The following ADGRE2 variants were observed in gnomAD, a reference collection of about 807,000 sequenced individuals.
ADGRE2 encodes the protein CD97 antigen.
A neutral mutation model predicts 100.8 loss-of-function variants in ADGRE2; 83 were observed. The observed-to-expected ratio is 0.82, with a 90% CI of 0.69 to 0.99. The LOEUF (loss-of-function observed/expected upper bound fraction) is 0.99, where lower values mean the gene tolerates loss of function less well. ADGRE2 is among the 50% of genes least tolerant of loss of function. The probability of loss-of-function intolerance (pLI) is 0.00; values close to 1 mark genes in which losing one functional copy is unlikely to be tolerated. For missense variants in ADGRE2, 814 were observed against 1,035.7 expected (o/e 0.79, Z 2.94); for synonymous variants, 355 against 413.0 (o/e 0.86, Z 1.70).
rs968141927 is a variant in ADGRE2, at chr19:14,764,606, A to T, written c.911T>A (p.Ile304Asn). 6.2e-7 allele frequency: 1 copy of T among 1,611,366 alleles called. No homozygotes were observed. Among genetic ancestry groups the T allele is most frequent in the South Asian group, 1.1e-5 (1 of 90,998 alleles). The change falls in exon 11 of 21, where the codon ATC (isoleucine) becomes AAC (asparagine). Residue 304 changes from isoleucine (I) to asparagine (N), a missense_variant. Coordinates refer to ENST00000315576, the MANE Select transcript of ADGRE2 (RefSeq NM_013447.4). ...CAGCAGCTCATCCAGCGCCTGTAAG[A>T]TGCTCTGGAGGGATGTGGACACAGA... The part of the protein sequence containing the change: ...PGLANNTIQS[I>N]LQALDELLEA...
At chr19:14,727,113 C>T in the ADGRE2 span, among the ~76,000 whole-genome samples, 40 of 150,606 alleles carry the variant, frequency 2.7e-4, no homozygotes, top group South Asian at 3.4e-3. Context: ...CTACAAGCTC[C>T]GCCTCCTGGG....
chr19:14,727,957 T>C (rs1269355219), downstream of ADGRE2, among the ~76,000 whole-genome samples: 1 of 152,196 alleles, frequency 6.6e-6, no homozygotes, highest in Admixed American at 6.5e-5. Context: ...GTGCGGTGGC[T>C]CACGCCTGTA....
At chr19:14,725,625 CA>C in the ADGRE2 span, among the ~76,000 whole-genome samples, 38 of 152,174 alleles carry the variant, frequency 2.5e-4, 1 homozygote, top group African/African-American at 8.9e-4. Flanking sequence ...AGACACAGGC[CA>C]AAAGAAAAAG....
rs896218212 is a variant in ADGRE2 at position 14,732,564 on chromosome 19, A to G, written c.*3672T>C. On this transcript the variant is annotated 3_prime_UTR_variant, in exon 21 of 21. Transcript: ENST00000315576. Reference sequence around the variant, plus strand: ...TGAACCTGAACATCATGGTCTGGAAACTATGGGCAGTGAGTCAAATCTGAC... The same window carrying G: ...TGAACCTGAACATCATGGTCTGGAAGCTATGGGCAGTGAGTCAAATCTGAC... The G allele has an allele frequency of 1.3e-5, 2 of 152,240 alleles. No homozygotes were observed. Among genetic ancestry groups the G allele is most frequent in the African/African-American group, 2.4e-5 (1 of 41,460 alleles). 9.4% of individuals were successfully genotyped at this position (152,240 alleles called of 1,614,324 possible). A position where few individuals can be genotyped will look rare whatever the true frequency, so the allele number is the denominator to read the frequency against.
intron 11 of ADGRE2, among the ~76,000 whole-genome samples, chr19:14,759,747 G>A (rs749453413): frequency 1.3e-5 from 2 of 151,056 alleles, no homozygotes; most frequent in East Asian, 3.9e-4. Flanking sequence ...TGCCTGCCTT[G>A]ACCTCCCAAA....
At chr19:14,745,571 C>T (rs959793284) in intron 18 of ADGRE2, among the ~76,000 whole-genome samples, 4 of 152,136 alleles carry the variant, frequency 2.6e-5, no homozygotes, top group African/African-American at 9.7e-5. Context: ...CTCACATACC[C>T]TTTCCAGACT....
In ADGRE2 at chr19:14,736,244, C is replaced by A; in HGVS notation, c.2464G>T (p.Val822Phe). The change falls in exon 21 of 21, where the codon GTT becomes TTT. Residue 822 changes from valine to phenylalanine, a missense_variant and splice_region_variant. Physicochemically the swap from Val to Phe is conservative, Grantham distance 50. This residue lies in a region of ADGRE2 where 569 missense variants were observed against 692.7 expected (regional missense o/e 0.82). Coordinates refer to ENST00000315576, the MANE Select transcript of ADGRE2 (RefSeq NM_013447.4). ...AKADTSKPSTVN is the reference protein window; with the variant it reads ...AKADTSKPSTFN ...TTATTCAGAAGATTTTTCTAGTTAA[C>A]CTGAAATATATATATATGTATGTAT... 6.4e-7 allele frequency: 1 copy of A among 1,556,498 alleles called. No homozygotes were observed. Among genetic ancestry groups the A allele is most frequent in the South Asian group, 1.1e-5 (1 of 89,414 alleles).
At chr19:14,755,998 C>G in intron 12 of ADGRE2, 121 bp from the exon 13 acceptor site, 5 of 835,810 alleles carry the variant, frequency 6.0e-6, no homozygotes, top group Non-Finnish European at 9.5e-6. Context: ...GGCTTCACCC[C>G]TCCCACACTT....
At chr19:14,737,443 C>T (rs920622060) in intron 20 of ADGRE2, among the ~76,000 whole-genome samples, 14 of 152,142 alleles carry the variant, frequency 9.2e-5, no homozygotes, top group African/African-American at 3.1e-4. Flanking sequence ...ATCCTCCCAT[C>T]TCAACCTCCC....
At chr19:14,774,406 A>C in intron 2 of ADGRE2, 100 bp from the exon 3 acceptor site, 1 of 1,512,690 alleles carries the variant, frequency 6.6e-7, no homozygotes, top group Non-Finnish European at 9.0e-7. Context: ...GACCCCTCTC[A>C]GGCTCAGATC....
chr19:14,743,476 A>G lies in ADGRE2; in HGVS notation c.2407T>C (p.Ser803Pro). The G allele has an allele frequency of 6.2e-7, 1 of 1,613,996 alleles. No homozygotes were observed. The highest frequency in any genetic ancestry group is 8.5e-7 in the Non-Finnish European group (1 of 1,179,966). ...SKGIRKLKTE[S>P]EMHTLSSSAK... ...CTGCTGGAGAGTGTGTGCATCTCAGACTCAGTTTTCAATTTCCTGATCCCT... is the reference window on the plus strand; with the variant it reads ...CTGCTGGAGAGTGTGTGCATCTCAGGCTCAGTTTTCAATTTCCTGATCCCT... The change falls in exon 20 of 21, where the codon TCT (serine) becomes CCT (proline). Residue 803 changes from serine to proline, a missense_variant. By Grantham distance (74) the Ser-to-Pro change is moderately conservative (BLOSUM62 -1). Transcript: ENST00000315576.
chr19:14,743,817 A>C (rs1222127247), intron 18 of ADGRE2, 33 bp from the exon 19 acceptor site: 1 of 1,605,244 alleles, frequency 6.2e-7, no homozygotes, highest in Middle Eastern at 1.7e-4. Flanking sequence ...CTGGTGATGC[A>C]CCCAGAGAAA....
At chr19:14,770,157 C>T (rs1018782204) in intron 5 of ADGRE2, among the ~76,000 whole-genome samples, 19 of 152,192 alleles carry the variant, frequency 1.2e-4, no homozygotes, top group African/African-American at 4.6e-4. Flanking sequence ...GTGTTTGGGT[C>T]CTGAGTGCAG....
chr19:14,743,648 T>G lies in ADGRE2; in HGVS notation c.2320A>C (p.Ile774Leu). ...CTGAGGAGGCAGTACACCAGGAAGA[T>G]GAAGACACCCTGCAGGCTGTTGATG... ...TIINSLQGVF[I>L]FLVYCLLSQQ... The change falls in exon 19 of 21, where the codon ATC becomes CTC. Residue 774 changes from isoleucine (I) to leucine (L), a missense_variant. By Grantham distance (5) the Ile-to-Leu change is conservative (BLOSUM62 2). Coordinates refer to ENST00000315576, the MANE Select transcript of ADGRE2 (RefSeq NM_013447.4). 6.2e-7 allele frequency: 1 copy of G among 1,614,026 alleles called. No homozygotes were observed. The highest frequency in any genetic ancestry group is 8.5e-7 in the Non-Finnish European group (1 of 1,180,002).
intron 5 of ADGRE2, chr19:14,768,754 G>A (rs2147475864): frequency 6.6e-6 from 1 of 152,472 alleles, no homozygotes; most frequent in East Asian, 1.9e-4. Context: ...GAAGGGTCAG[G>A]GCAGTCTCGC....
downstream of ADGRE2, chr19:14,731,366 C>G (rs2147052323): frequency 1.6e-6 from 1 of 616,790 alleles, no homozygotes; most frequent in East Asian, 2.8e-5. Context: ...GGCTCCTTAA[C>G]TTCCGGCTTC....
rs2074892 is a variant in ADGRE2 at position 14,766,231 on chromosome 19, C to T, written c.634+4G>A. The stretch of plus-strand genomic sequence containing the variant: ...TCTGGGAACGTGGGATCTGAGCTCT[C>T]GACCTTCACAGACGGTATTGTTTGG... On this transcript the variant is annotated splice_donor_region_variant and intron_variant, in intron 7 of 20. Transcript: ENST00000315576. 390,921 of 1,613,580 alleles carry T rather than the reference C, an allele frequency of 0.24. 49,948 individuals carry two copies. The highest frequency in any genetic ancestry group is 0.44 in the African/African-American group (33,259 of 74,854).
chr19:14,737,377 A>G (rs1425248268), intron 20 of ADGRE2, among the ~76,000 whole-genome samples: 1 of 151,914 alleles, frequency 6.6e-6, no homozygotes, highest in African/African-American at 2.4e-5. Context: ...AATTTTTTGT[A>G]GAGATGGGGT....
chr19:14,777,278 C>A (rs1182872098), intron 1 of ADGRE2, among the ~76,000 whole-genome samples: 5 of 152,206 alleles, frequency 3.3e-5, no homozygotes. Context: ...CTTTGGCATG[C>A]CAGAGTTGGC....
Sources: gnomAD v4.1 joint callset for allele counts (sites outside exome capture counted in the v4.1 genomes callset) on GRCh38, gnomAD v4.1.1 for gene constraint, gnomAD v4.1.1 regional missense constraint, MANE v1.5 for transcripts, NCBI Gene and HGNC (gene_info 2026-07-23, HGNC 2026-07-21) for gene names.